Variants in CTNND2 observed in about 807,000 individuals in gnomAD.
The protein encoded by CTNND2 is catenin delta 2.
Under a neutral mutation model 144.4 loss-of-function variants are expected in CTNND2, and 22 were observed. The observed-to-expected ratio is 0.15, with a 90% CI of 0.11 to 0.22. CTNND2 has a LOEUF of 0.22. Among genes scored for constraint, CTNND2 ranks in the 10% least tolerant of loss-of-function variants. CTNND2 has a pLI of 1.00. For missense variants in CTNND2, 1,353 were observed against 1,618.8 expected (o/e 0.84, Z 2.82); for synonymous variants, 751 against 695.6 (o/e 1.08, Z -1.25).
In CTNND2 at chr5:11,316,470, TATTA is replaced by T. The variant is rs1377861534; in HGVS notation, c.1628+29898_1628+29901del. ...GTAGGTACTCTTATCCACTATTTTTTATTATTATTATTATTATTATTATTATTAT... is the reference window on the plus strand; with the variant it reads ...GTAGGTACTCTTATCCACTATTTTTTTTATTATTATTATTATTATTATTAT... On this transcript the variant is annotated intron_variant, in intron 9 of 21. Coordinates refer to ENST00000304623, the MANE Select transcript of CTNND2 (RefSeq NM_001332.4). Among the ~76,000 whole-genome samples, 47 of 88,462 alleles carry T rather than the reference TATTA, an allele frequency of 5.3e-4. 3 individuals carry two copies. The highest frequency in any genetic ancestry group is 4.2e-3 in the Middle Eastern group (1 of 240). The allele number at this position is 88,462 out of a possible 152,430, so 58.0% of individuals were successfully genotyped here. A position where few individuals can be genotyped will look rare whatever the true frequency, so the allele number is the denominator to read the frequency against.
chr5:11,305,250 C>A (rs1282049855), intron 9 of CTNND2, among the ~76,000 whole-genome samples: 1 of 152,206 alleles, frequency 6.6e-6, no homozygotes, highest in Non-Finnish European at 1.5e-5. Flanking sequence ...GCACAGGAAG[C>A]ATTTAAGTGG....
At chr5:11,520,969 CGTT>C (rs1241717333) in intron 3 of CTNND2, among the ~76,000 whole-genome samples, 5 of 152,122 alleles carry the variant, frequency 3.3e-5, no homozygotes, top group Non-Finnish European at 7.3e-5. Flanking sequence ...AAATAAATCA[CGTT>C]GTGCTATTTG....
intron 15 of CTNND2, among the ~76,000 whole-genome samples, chr5:11,087,641 T>C (rs1750314982): frequency 6.6e-6 from 1 of 152,354 alleles, no homozygotes; most frequent in East Asian, 1.9e-4. Context: ...AAAACTGGTA[T>C]CTCTAGTCAA....
At chr5:11,400,123 T>C (rs1760505812) in intron 5 of CTNND2, among the ~76,000 whole-genome samples, 1 of 152,218 alleles carries the variant, frequency 6.6e-6, no homozygotes, top group Non-Finnish European at 1.5e-5. Context: ...TTATGTTTTT[T>C]TTTTCCTCTG....
In CTNND2 at chr5:11,718,000, T is replaced by A. The variant is rs182429210; in HGVS notation, c.174+14136A>T. 2.8e-3 allele frequency among the ~76,000 whole-genome samples: 430 copies of A among 152,306 alleles called. 3 individuals are homozygous for A. The highest frequency in any genetic ancestry group is 9.9e-3 in the African/African-American group (413 of 41,564). ...AGCTTTATTGACTTCCATAAAATAGTCCAATGGCAATAAAACATCAGGACT... is the reference window on the plus strand; with the variant it reads ...AGCTTTATTGACTTCCATAAAATAGACCAATGGCAATAAAACATCAGGACT... On this transcript the variant is annotated intron_variant, in intron 2 of 21. Transcript: ENST00000304623.
intron 3 of CTNND2, among the ~76,000 whole-genome samples, chr5:11,441,368 ATTT>A (rs774610481): frequency 0.12 from 11,686 of 98,508 alleles, 863 homozygotes; most frequent in African/African-American, 0.25. Flanking sequence ...CCAATGTGGG[ATTT>A]TTTTTTTTTT....
intron 21 of CTNND2, among the ~76,000 whole-genome samples, chr5:10,977,675 A>G (rs1218491449): frequency 6.6e-6 from 1 of 151,998 alleles, no homozygotes; most frequent in Non-Finnish European, 1.5e-5. Flanking sequence ...CTGGTCTTGA[A>G]CTCCTGAGCT....
intron 9 of CTNND2, among the ~76,000 whole-genome samples, chr5:11,267,254 C>T (rs1290240505): frequency 6.6e-6 from 1 of 152,108 alleles, no homozygotes; most frequent in African/African-American, 2.4e-5. Flanking sequence ...GGATTCTCCC[C>T]ACGTGGAGCT....
intron 10 of CTNND2, among the ~76,000 whole-genome samples, chr5:11,206,432 A>G (rs1738057198): frequency 6.6e-6 from 1 of 152,004 alleles, no homozygotes; most frequent in South Asian, 2.1e-4. Context: ...AGGCCTCTCC[A>G]TTTTTTTTAA....
At chr5:11,032,261 A>C (rs1342089243) in intron 16 of CTNND2, among the ~76,000 whole-genome samples, 1 of 152,186 alleles carries the variant, frequency 6.6e-6, no homozygotes, top group African/African-American at 2.4e-5. Flanking sequence ...GATGTCTGTA[A>C]GTTAGTGTGA....
intron 2 of CTNND2, among the ~76,000 whole-genome samples, chr5:11,709,719 G>A (rs1193100206): frequency 6.6e-6 from 1 of 152,160 alleles, no homozygotes; most frequent in Non-Finnish European, 1.5e-5. Context: ...CTTAAAACAA[G>A]TGCAAATGAT....
intron 18 of CTNND2, among the ~76,000 whole-genome samples, chr5:11,008,744 A>T (rs1740751829): frequency 6.6e-6 from 1 of 152,188 alleles, no homozygotes; most frequent in Non-Finnish European, 1.5e-5. Context: ...ATTATATAAG[A>T]TTAGGCTGAG....
At chr5:11,011,981 G>GTGATGA (rs35982377) in intron 18 of CTNND2, among the ~76,000 whole-genome samples, 10 of 152,128 alleles carry the variant, frequency 6.6e-5, no homozygotes, top group African/African-American at 1.4e-4. Context: ...GAGGTGACTA[G>GTGATGA]TGATGATGAT....
At chr5:11,455,401 T>G (rs967320284) in intron 3 of CTNND2, among the ~76,000 whole-genome samples, 1 of 152,220 alleles carries the variant, frequency 6.6e-6, no homozygotes, top group African/African-American at 2.4e-5. Flanking sequence ...GTGCATACAC[T>G]ATGATCATGA....
intron 9 of CTNND2, among the ~76,000 whole-genome samples, chr5:11,253,502 C>G (rs112936415): frequency 6.6e-6 from 1 of 152,102 alleles, no homozygotes; most frequent in Non-Finnish European, 1.5e-5. Flanking sequence ...TTTTGCTTGG[C>G]TCTCATTCTC....
chr5:11,163,362 C>T (rs1273016474), intron 11 of CTNND2, among the ~76,000 whole-genome samples: 2 of 152,178 alleles, frequency 1.3e-5, no homozygotes, highest in Non-Finnish European at 2.9e-5. Flanking sequence ...AGTGGATTTT[C>T]CAACCCCAAC....
At position 11,687,662 on chromosome 5, in the gene CTNND2, C is replaced by T. The variant is rs564680804; in HGVS notation, c.174+44474G>A. Reference sequence around the variant, plus strand: ...TCACACACAGATAATATCTGTAGGCCTCCTTTCCAGAGCTAAAAATGCACA... The same window carrying T: ...TCACACACAGATAATATCTGTAGGCTTCCTTTCCAGAGCTAAAAATGCACA... On this transcript the variant is annotated intron_variant, in intron 2 of 21. Transcript: ENST00000304623. Among the ~76,000 whole-genome samples, 32 of 152,258 alleles carry T rather than the reference C, an allele frequency of 2.1e-4. No individual in the cohort carries two copies. In the South Asian group the frequency reaches 6.4e-3, roughly 31 times the overall value.
Position 11,903,383 on chromosome 5 carries a change from A to T in CTNND2, c.37+434T>A. ...CCATTTTGTTCTAGCCAAACATCGT[A>T]ATGACATTGAACATAAGGGCAAAAG... On this transcript the variant is annotated intron_variant, in intron 1 of 21. Coordinates refer to ENST00000304623, the MANE Select transcript of CTNND2 (RefSeq NM_001332.4). The surrounding 1 kb of genome is among the most constrained non-coding windows in gnomAD (Gnocchi z 5.4). The T allele has an allele frequency of 2.0e-6, 2 of 1,003,878 alleles. No individual in the cohort carries two copies. The highest frequency in any genetic ancestry group is 2.4e-6 in the Non-Finnish European group (2 of 842,526). 62.2% of individuals were successfully genotyped at this position (1,003,878 alleles called of 1,614,324 possible).
intron 2 of CTNND2, among the ~76,000 whole-genome samples, chr5:11,657,208 G>A (rs1400809579): frequency 6.6e-6 from 1 of 152,094 alleles, no homozygotes; most frequent in East Asian, 1.9e-4. Flanking sequence ...GAGAAAGACA[G>A]TGGAATATTT....
Sources: gnomAD v4.1 joint callset for allele counts (sites outside exome capture counted in the v4.1 genomes callset) on GRCh38, gnomAD v4.1.1 for gene constraint, Gnocchi (gnomAD v3.1) non-coding constraint, MANE v1.5 for transcripts, NCBI Gene and HGNC (gene_info 2026-07-23, HGNC 2026-07-21) for gene names.